CIMIP6: variants seen among roughly 807,000 people sequenced by gnomAD.
The protein encoded by CIMIP6 is ciliary microtubule inner protein 6.
At chr2:54,378,643 G>C in the CIMIP6 span, among the ~76,000 whole-genome samples, 1 of 152,086 alleles carries the variant, frequency 6.6e-6, no homozygotes, top group African/African-American at 2.4e-5. Flanking sequence ...CAGAGGTACC[G>C]GTTCTAACAA....
chr2:54,379,801 C>G, the CIMIP6 span, among the ~76,000 whole-genome samples: 6 of 151,430 alleles, frequency 4.0e-5, no homozygotes, highest in South Asian at 1.3e-3. Context: ...CATAGTGAAA[C>G]CCCATCTCCA....
chr2:54,363,493 A>C, the CIMIP6 span, among the ~76,000 whole-genome samples: 1 of 152,140 alleles, frequency 6.6e-6, no homozygotes, highest in East Asian at 1.9e-4. Context: ...AAATGGCCCA[A>C]GGCTTCTTCT....
At chr2:54,331,218 A>T in the CIMIP6 span, among the ~76,000 whole-genome samples, 1 of 152,170 alleles carries the variant, frequency 6.6e-6, no homozygotes, top group African/African-American at 2.4e-5. Context: ...GCATTACCGG[A>T]TCTAAAATTC....
At chr2:54,344,765 T>TA in the CIMIP6 span, among the ~76,000 whole-genome samples, 1 of 151,768 alleles carries the variant, frequency 6.6e-6, no homozygotes, top group Non-Finnish European at 1.5e-5. Context: ...TTATGCCAGT[T>TA]AAAAAAAAGA....
chr2:54,373,445 A>G, the CIMIP6 span, among the ~76,000 whole-genome samples: 7 of 152,194 alleles, frequency 4.6e-5, no homozygotes, highest in East Asian at 1.4e-3. Context: ...ATGCTCCTTC[A>G]TGGCCATCCT....
chr2:54,359,452 G>T, the CIMIP6 span, among the ~76,000 whole-genome samples: 1 of 151,944 alleles, frequency 6.6e-6, no homozygotes, highest in African/African-American at 2.4e-5. Flanking sequence ...TTAAATTATT[G>T]AAATAATTTG....
chr2:54,341,291 C>T, the CIMIP6 span, among the ~76,000 whole-genome samples: 2 of 152,134 alleles, frequency 1.3e-5, no homozygotes, highest in African/African-American at 4.8e-5. Flanking sequence ...GAAATGAATG[C>T]CATTATAAAA....
chr2:54,377,933 T>C, the CIMIP6 span, among the ~76,000 whole-genome samples: 3,456 of 152,248 alleles, frequency 0.023, 68 homozygotes, highest in Non-Finnish European at 0.035. Context: ...ATAGAGCACG[T>C]GTGAAGTATA....
chr2:54,366,555 A>T, the CIMIP6 span, among the ~76,000 whole-genome samples: 1 of 152,202 alleles, frequency 6.6e-6, no homozygotes, highest in Non-Finnish European at 1.5e-5. Flanking sequence ...GAACTAGAAA[A>T]ATGAAATCCA....
At chr2:54,336,265 T>C in the CIMIP6 span, among the ~76,000 whole-genome samples, 1 of 152,324 alleles carries the variant, frequency 6.6e-6, no homozygotes, top group South Asian at 2.1e-4. Flanking sequence ...TTTGTGGTCA[T>C]TCCCTTCCTC....
the CIMIP6 span, chr2:54,360,143 G>A: frequency 2.0e-6 from 3 of 1,468,304 alleles, no homozygotes; most frequent in Non-Finnish European, 2.7e-6. Flanking sequence ...TCAGTTCACA[G>A]CTGCATCTTC....
At chr2:54,384,125 G>A in the CIMIP6 span, among the ~76,000 whole-genome samples, 2 of 152,210 alleles carry the variant, frequency 1.3e-5, no homozygotes, top group Non-Finnish European at 2.9e-5. Flanking sequence ...ATTACAAGAC[G>A]CCTGGTGGTA....
the CIMIP6 span, among the ~76,000 whole-genome samples, chr2:54,370,818 A>T: frequency 2.0e-5 from 3 of 152,254 alleles, no homozygotes; most frequent in South Asian, 6.2e-4. Context: ...GAGAGGTGAG[A>T]CAGTCCCTGG....
chr2:54,371,439 T>C, the CIMIP6 span, among the ~76,000 whole-genome samples: 1 of 152,248 alleles, frequency 6.6e-6, no homozygotes, highest in African/African-American at 2.4e-5. Context: ...CATCTAGGCC[T>C]GGCTTCTGTT....
chr2:54,367,497 A>C, the CIMIP6 span, among the ~76,000 whole-genome samples: 28 of 152,078 alleles, frequency 1.8e-4, no homozygotes. Flanking sequence ...AAGGTTTATT[A>C]CTGTATCATA....
chr2:54,375,915 G>A, the CIMIP6 span, among the ~76,000 whole-genome samples: 1 of 142,088 alleles, frequency 7.0e-6, no homozygotes, highest in African/African-American at 2.6e-5. Context: ...TGACGTTTTG[G>A]AAGGTTACTC....
the CIMIP6 span, among the ~76,000 whole-genome samples, chr2:54,364,556 A>T: frequency 6.6e-6 from 1 of 152,222 alleles, no homozygotes; most frequent in Non-Finnish European, 1.5e-5. Flanking sequence ...GAGAACATAA[A>T]TGATTTCCCC....
chr2:54,341,189 A>G, the CIMIP6 span, among the ~76,000 whole-genome samples: 1 of 152,060 alleles, frequency 6.6e-6, no homozygotes, highest in African/African-American at 2.4e-5. Flanking sequence ...TCCCCTCCAA[A>G]CTCATGTTGA....
At chr2:54,382,619 C>T in the CIMIP6 span, among the ~76,000 whole-genome samples, 1 of 152,114 alleles carries the variant, frequency 6.6e-6, no homozygotes, top group African/African-American at 2.4e-5. Context: ...CAGTCTTAAC[C>T]TCCTCCTTTG....
Sources: allele counts gnomAD v4.1 joint callset (sites outside exome capture counted in the v4.1 genomes callset), GRCh38; gene constraint gnomAD v4.1.1; transcripts MANE v1.5; gene names NCBI Gene and HGNC (gene_info 2026-07-23, HGNC 2026-07-21).